The following HYDIN variants were observed in gnomAD, a reference collection of about 807,000 sequenced individuals.
HYDIN encodes axonemal central pair apparatus protein HYDIN.
A neutral mutation model predicts 403.9 loss-of-function variants in HYDIN; 132 were observed. The observed-to-expected ratio is 0.33, with a 90% CI of 0.28 to 0.38. HYDIN has a LOEUF of 0.38. HYDIN is among the 10% of genes least tolerant of loss of function. The pLI is 1.00. For synonymous variants in HYDIN, 1,202 were observed against 1,891.7 expected (o/e 0.64, Z 9.46); for missense variants, 2,827 against 5,009.5 (o/e 0.56, Z 13.15).
At chr16:70,969,337 T>C (rs2078672601) in intron 36 of HYDIN, among the ~76,000 whole-genome samples, 1 of 152,048 alleles carries the variant, frequency 6.6e-6, no homozygotes, top group Non-Finnish European at 1.5e-5. Flanking sequence ...AGACACATTA[T>C]AGTCAAACTT....
In HYDIN at chr16:71,198,239, C is replaced by A. The variant is rs2144697562; in HGVS notation, c.-23-11321G>T. 1.3e-5 allele frequency among the ~76,000 whole-genome samples: 2 copies of A among 152,284 alleles called. 1 individual carries two copies. The highest frequency in any genetic ancestry group is 6.8e-3 in the Middle Eastern group (2 of 294). Reference sequence around the variant, plus strand: ...AATAATCCACCATTTGAATTTACTGCAATTTATTTATCCATTCTACCACCA... The same window carrying A: ...AATAATCCACCATTTGAATTTACTGAAATTTATTTATCCATTCTACCACCA... On this transcript the variant is annotated intron_variant, in intron 1 of 85. Coordinates refer to ENST00000393567, the MANE Select transcript of HYDIN (RefSeq NM_001270974.2).
rs1336810918 is a variant in HYDIN at position 70,938,745 on chromosome 16, G to T, written c.6864C>A (p.His2288Gln). 6.2e-6 allele frequency: 10 copies of T among 1,613,936 alleles called. No individual in the cohort carries two copies. The highest frequency in any genetic ancestry group is 3.3e-5 in the South Asian group (3 of 91,084). Residue 2288 changes from histidine (H) to glutamine (Q), a missense_variant, in exon 44 of 86, where the codon CAC (histidine) becomes CAA (glutamine). Physicochemically the swap from His to Gln is conservative, Grantham distance 24 (BLOSUM62 0). Transcript: ENST00000393567. ...KAKKEQEERK[H>Q]KGALEKEKER... ...CCTTCTCTTTCTCAAGAGCTCCCTTGTGCTTGCGTTCTGTGAGGGGAACAG... is the reference window on the plus strand; with the variant it reads ...CCTTCTCTTTCTCAAGAGCTCCCTTTTGCTTGCGTTCTGTGAGGGGAACAG...
At chr16:71,024,089 T>C (rs1055703900) in intron 21 of HYDIN, among the ~76,000 whole-genome samples, 7 of 152,228 alleles carry the variant, frequency 4.6e-5, no homozygotes, top group African/African-American at 1.2e-4. Context: ...TAGCACATGA[T>C]AGACCTTAAT....
chr16:70,863,462 G>A (rs1395797538), intron 67 of HYDIN, among the ~76,000 whole-genome samples: 3 of 152,168 alleles, frequency 2.0e-5, no homozygotes, highest in African/African-American at 7.2e-5. Flanking sequence ...CTCTCAGCAT[G>A]CATGGCAGTA....
chr16:70,837,653 G>A, intron 77 of HYDIN, 37 bp downstream of exon 77: 1 of 1,612,246 alleles, frequency 6.2e-7, no homozygotes, highest in Non-Finnish European at 8.5e-7. Flanking sequence ...GTAGAAAGGA[G>A]GGTGCCACGC....
intron 25 of HYDIN, among the ~76,000 whole-genome samples, chr16:70,990,780 C>T (rs1199030786): frequency 6.6e-6 from 1 of 152,156 alleles, no homozygotes; most frequent in Non-Finnish European, 1.5e-5. Flanking sequence ...GGGGACAATG[C>T]ATTTTAAATT....
intron 41 of HYDIN, among the ~76,000 whole-genome samples, chr16:70,951,110 C>A (rs2078053491): frequency 6.6e-6 from 1 of 152,062 alleles, no homozygotes; most frequent in Non-Finnish European, 1.5e-5. Flanking sequence ...TGGGACATAC[C>A]TGTAGTCCCA....
rs989706272 is a variant in HYDIN, at chr16:70,804,362, G to A, written c.*3218C>T. On this transcript the variant is annotated 3_prime_UTR_variant, in exon 86 of 86. Transcript: ENST00000393567. ...GTGGGGATGCAGCAGAGAAAGTGAT[G>A]ATCAAAGGTCACTGAGTGATGAGAT... 6.6e-6 allele frequency among the ~76,000 whole-genome samples: 1 copy of A among 152,228 alleles called. No homozygotes were observed. The highest frequency in any genetic ancestry group is 1.5e-5 in the Non-Finnish European group (1 of 68,044).
chr16:71,143,418 T>C (rs895445100), intron 7 of HYDIN, among the ~76,000 whole-genome samples: 1 of 152,212 alleles, frequency 6.6e-6, no homozygotes, highest in African/African-American at 2.4e-5. Flanking sequence ...TCACTTGCTA[T>C]GAACTTATAG....
At chr16:71,215,180 A>G (rs2088815172) in intron 1 of HYDIN, among the ~76,000 whole-genome samples, 1 of 152,016 alleles carries the variant, frequency 6.6e-6, no homozygotes. Flanking sequence ...AGGTCACTAG[A>G]GTACCAATTC....
At chr16:71,031,196 T>C (rs1400953317) in intron 19 of HYDIN, among the ~76,000 whole-genome samples, 4 of 100,046 alleles carry the variant, frequency 4.0e-5, no homozygotes, top group African/African-American at 1.9e-4. Context: ...CAAGACTCCA[T>C]CTCAAAAAAA....
rs373563093 is a variant in HYDIN at position 70,805,122 on chromosome 16, G to A, written c.*2458C>T. Among the ~76,000 whole-genome samples the A allele has an allele frequency of 1.3e-5, 2 of 152,234 alleles. No individual in the cohort carries two copies. The highest frequency in any genetic ancestry group is 3.8e-4 in the East Asian group (2 of 5,204). On this transcript the variant is annotated 3_prime_UTR_variant, in exon 86 of 86. Transcript: ENST00000393567. ...TATACCTCTGGTGAATAGGTGGAAG[G>A]AGGCACATTTTGGGGAGGGTTAATT... is the stretch of plus-strand genomic sequence containing the variant.
chr16:71,006,732 G>A (rs2079899111), intron 23 of HYDIN, among the ~76,000 whole-genome samples: 1 of 151,678 alleles, frequency 6.6e-6, no homozygotes, highest in South Asian at 2.1e-4. Flanking sequence ...AGCCCTCTAG[G>A]GGCAGCAGGC....
intron 1 of HYDIN, among the ~76,000 whole-genome samples, chr16:71,192,109 C>T (rs1010729077): frequency 3.3e-5 from 5 of 152,148 alleles, no homozygotes; most frequent in Non-Finnish European, 7.4e-5. Context: ...CCAGTTCACA[C>T]AGTAGCAAAG....
chr16:71,196,310 T>C (rs966293670), intron 1 of HYDIN, among the ~76,000 whole-genome samples: 24 of 152,182 alleles, frequency 1.6e-4, no homozygotes, highest in African/African-American at 5.5e-4. Flanking sequence ...GTAAAGTTCA[T>C]TGCCATCCCC....
intron 18 of HYDIN, among the ~76,000 whole-genome samples, chr16:71,032,157 T>C (rs1353855304): frequency 6.6e-6 from 1 of 152,118 alleles, no homozygotes; most frequent in African/African-American, 2.4e-5. Flanking sequence ...ATTCTTTACA[T>C]CTCTTTCGCA....
At chr16:70,951,011 G>T (rs2143916111) in intron 41 of HYDIN, among the ~76,000 whole-genome samples, 1 of 152,244 alleles carries the variant, frequency 6.6e-6, no homozygotes, top group Middle Eastern at 3.4e-3. Context: ...GAGCCAGGAG[G>T]ATCGCTTGAG....
chr16:71,046,832 A>G (rs1367599095), intron 18 of HYDIN, among the ~76,000 whole-genome samples: 1 of 152,242 alleles, frequency 6.6e-6, no homozygotes, highest in Non-Finnish European at 1.5e-5. Flanking sequence ...TTAATGTTGA[A>G]TATGACTGTA....
chr16:71,070,926 A>C (rs1463012395), intron 13 of HYDIN, among the ~76,000 whole-genome samples: 1 of 150,910 alleles, frequency 6.6e-6, no homozygotes, highest in African/African-American at 2.4e-5. Flanking sequence ...CACACCTGCC[A>C]ACCTACTTGG....
Sources: gnomAD v4.1 joint callset for allele counts (sites outside exome capture counted in the v4.1 genomes callset) on GRCh38, gnomAD v4.1.1 for gene constraint, MANE v1.5 for transcripts, NCBI Gene and HGNC (gene_info 2026-07-23, HGNC 2026-07-21) for gene names.